Variants in FMO3 observed in about 807,000 individuals in gnomAD.
FMO3 encodes the protein flavin containing dimethylaniline monoxygenase 3, also known as flavin-containing monooxygenase 3.
FMO3 carries 40 observed loss-of-function variants against 39.4 expected under a neutral mutation model. The observed-to-expected ratio is 1.02, with a 90% CI of 0.79 to 1.32. The LOEUF (loss-of-function observed/expected upper bound fraction) is 1.32, where lower values mean the gene tolerates loss of function less well. FMO3 is among the 40% of genes most tolerant of loss of function. The probability of loss-of-function intolerance (pLI) is 0.00; values close to 1 mark genes in which losing one functional copy is unlikely to be tolerated. For synonymous variants in FMO3, 219 were observed against 228.8 expected, an observed-to-expected ratio of 0.96 and a Z score of 0.39; for missense variants, 680 against 651.8, an observed-to-expected ratio of 1.04 and a Z score of -0.47.
chr1:171,109,896 T>C (rs1177482445), intron 5 of FMO3, among the ~76,000 whole-genome samples: 1 of 152,100 alleles, frequency 6.6e-6, no homozygotes, highest in African/African-American at 2.4e-5. Context: ...TGAAGTGATA[T>C]GGCATATAAA....
rs770528997 is a variant in FMO3 at position 171,117,071 on chromosome 1, C to A, written c.1257-29C>A. ...TGTTTCTACACAGAGTTTGGGTATC[C>A]ACAGTGGTGTTTTCTCTCCCATCTC... On this transcript the variant is annotated intron_variant, in intron 8 of 8. Transcript: ENST00000367755. 10 of 1,538,214 alleles carry A rather than the reference C, an allele frequency of 6.5e-6. No homozygotes were observed. The South Asian group carries it at 1.0e-4, about 15-fold the overall frequency.
intron 2 of FMO3, among the ~76,000 whole-genome samples, chr1:171,093,107 A>C (rs2064075): frequency 0.25 from 36,635 of 149,314 alleles, 4,771 homozygotes; most frequent in African/African-American, 0.34. Context: ...CATTTAAAAC[A>C]CAATAACTTT....
intron 2 of FMO3, among the ~76,000 whole-genome samples, chr1:171,095,563 A>C (rs28363527): frequency 6.6e-6 from 1 of 150,734 alleles, no homozygotes; most frequent in African/African-American, 2.4e-5. Flanking sequence ...TCAGTATTAT[A>C]TTATTTACCT....
At chr1:171,096,159 A>AAT (rs1333703719) in intron 2 of FMO3, among the ~76,000 whole-genome samples, 1 of 75,858 alleles carries the variant, frequency 1.3e-5, no homozygotes, top group Admixed American at 2.6e-4. Flanking sequence ...ATGAATATAT[A>AAT]ATATATATAA....
chr1:171,106,287 T>G (rs926473154), intron 3 of FMO3, among the ~76,000 whole-genome samples: 1 of 151,986 alleles, frequency 6.6e-6, no homozygotes, highest in Admixed American at 6.6e-5. Flanking sequence ...ATTACAGGCA[T>G]GCACCACCAT....
chr1:171,107,706 A>G lies in FMO3; in HGVS notation c.353A>G (p.Asp118Gly), dbSNP rs750611884. The change falls in exon 4 of 9, where the codon GAT becomes GGT. Residue 118 changes from aspartate (D) to glycine (G), a missense_variant. Transcript: ENST00000367755. ...GTATCCAGTGTAAATAAACATCCTG[A>G]TTTTGCAACTACTGGCCAGTGGGAT... Reference protein sequence around the residue: ...TFVSSVNKHPDFATTGQWDVT... With the variant: ...TFVSSVNKHPGFATTGQWDVT... The G allele has an allele frequency of 6.2e-7, 1 of 1,613,300 alleles. No individual in the cohort carries two copies. Among genetic ancestry groups the G allele is most frequent in the Non-Finnish European group, 8.5e-7 (1 of 1,179,374 alleles).
intron 2 of FMO3, among the ~76,000 whole-genome samples, chr1:171,096,358 A>T (rs1208629214): frequency 1.8e-4 from 16 of 89,480 alleles, no homozygotes; most frequent in Admixed American, 1.2e-3. Context: ...TAAATATATA[A>T]AAATATATAT....
At chr1:171,109,630 G>A (rs1019459003) in intron 5 of FMO3, among the ~76,000 whole-genome samples, 1 of 140,724 alleles carries the variant, frequency 7.1e-6, no homozygotes, top group Non-Finnish European at 1.5e-5. Flanking sequence ...CGTCTCCCAG[G>A]TTCAAGCAAT....
rs758324579 is a variant in FMO3 at position 171,108,121 on chromosome 1, A to G, written c.527A>G (p.Tyr176Cys). 2.5e-6 allele frequency: 4 copies of G among 1,613,952 alleles called. No homozygotes were observed. In the East Asian group the frequency reaches 6.7e-5, roughly 27 times the overall value. ...FKGKCFHSRD[Y>C]KEPGVFNGKR... ...GGCAAATGCTTCCACAGCAGGGACT[A>G]TAAAGAACCAGGTGTATTCAATGGA... Residue 176 changes from tyrosine (Y) to cysteine (C), a missense_variant, in exon 5 of 9, where the codon TAT (tyrosine) becomes TGT (cysteine). Coordinates refer to ENST00000367755, the MANE Select transcript of FMO3 (RefSeq NM_001002294.3).
At position 171,114,312 on chromosome 1, in the gene FMO3, C is replaced by T. The variant is rs771161406; in HGVS notation, c.1133C>T (p.Ala378Val). 2 of 1,613,876 alleles carry T rather than the reference C, an allele frequency of 1.2e-6. No homozygotes were observed. The highest frequency in any genetic ancestry group is 2.2e-5 in the South Asian group (2 of 91,080). The change falls in exon 7 of 9, where the codon GCC (alanine) becomes GTC (valine). Residue 378 changes from alanine (A) to valine (V), a missense_variant. Coordinates refer to ENST00000367755, the MANE Select transcript of FMO3 (RefSeq NM_001002294.3). The part of the protein sequence containing the change: ...VIGFVQSLGA[A>V]IPTVDLQSRW... ...GGCTTTGTCCAGTCCCTTGGGGCTGCCATTCCCACAGTTGACCTCCAGTCC... is the reference window on the plus strand; with the variant it reads ...GGCTTTGTCCAGTCCCTTGGGGCTGTCATTCCCACAGTTGACCTCCAGTCC...
chr1:171,117,027 C>G (rs1243026360), intron 8 of FMO3, 73 bp from the exon 9 acceptor site: 2 of 1,146,726 alleles, frequency 1.7e-6, no homozygotes, highest in South Asian at 2.5e-5. Context: ...TATAAAGTTG[C>G]GAGCCATTTT....
intron 7 of FMO3, among the ~76,000 whole-genome samples, chr1:171,115,385 C>T (rs1428971014): frequency 6.6e-6 from 1 of 151,770 alleles, no homozygotes; most frequent in East Asian, 1.9e-4. Context: ...AAAAAACAGT[C>T]TCTTTCTTTT....
At chr1:171,108,792 A>G (rs1204876457) in intron 5 of FMO3, among the ~76,000 whole-genome samples, 1 of 152,184 alleles carries the variant, frequency 6.6e-6, no homozygotes, top group Non-Finnish European at 1.5e-5. Context: ...CTGCTCTGGA[A>G]CAAGAGCTGC....
chr1:171,098,539 T>C (rs1217429623), intron 2 of FMO3, among the ~76,000 whole-genome samples: 1 of 152,154 alleles, frequency 6.6e-6, no homozygotes, highest in Non-Finnish European at 1.5e-5. Flanking sequence ...GGTATTTTAT[T>C]CTCTTTGAAG....
intron 2 of FMO3, among the ~76,000 whole-genome samples, chr1:171,103,428 G>T (rs1655494948): frequency 6.6e-6 from 1 of 151,870 alleles, no homozygotes; most frequent in Non-Finnish European, 1.5e-5. Flanking sequence ...ATCTGTTTTT[G>T]CAAGTTCTGC....
In FMO3 at chr1:171,116,247, A is replaced by T; in HGVS notation, c.1223A>T (p.Asp408Val). The change falls in exon 8 of 9, where the codon GAT (aspartate) becomes GTT (valine). Residue 408 changes from aspartate (D) to valine (V), a missense_variant. Asp to Val is a radical substitution (Grantham distance 152). Coordinates refer to ENST00000367755, the MANE Select transcript of FMO3 (RefSeq NM_001002294.3). ...CCTTCTATGGAAGACATGATGAATGATATTAATGAGAAAATGGAGAAAAAG... is the reference window on the plus strand; with the variant it reads ...CCTTCTATGGAAGACATGATGAATGTTATTAATGAGAAAATGGAGAAAAAG... ...TLPSMEDMMN[D>V]INEKMEKKRK... 6.2e-7 allele frequency: 1 copy of T among 1,605,102 alleles called. No individual in the cohort carries two copies. Among genetic ancestry groups the T allele is most frequent in the Non-Finnish European group, 8.5e-7 (1 of 1,172,088 alleles).
intron 6 of FMO3, among the ~76,000 whole-genome samples, chr1:171,112,827 AG>A (rs1655972905): frequency 1.3e-5 from 2 of 152,164 alleles, no homozygotes; most frequent in Admixed American, 1.3e-4. Context: ...AGGAGACTAA[AG>A]GTCTGGGGAC....
chr1:171,096,032 AATATATAT>A (rs1654986519), intron 2 of FMO3, among the ~76,000 whole-genome samples: 1 of 68,998 alleles, frequency 1.4e-5, no homozygotes, highest in Non-Finnish European at 2.3e-5. Context: ...ATTAATATAT[AATATATAT>A]TATATATAAA....
intron 6 of FMO3, among the ~76,000 whole-genome samples, chr1:171,113,114 CA>C (rs1168175544): frequency 6.6e-6 from 1 of 152,138 alleles, no homozygotes; most frequent in African/African-American, 2.4e-5. Context: ...GTTTGTTCTC[CA>C]GTGGAATCTG....
Sources: gnomAD v4.1 joint callset for allele counts (sites outside exome capture counted in the v4.1 genomes callset) on GRCh38, gnomAD v4.1.1 for gene constraint, MANE v1.5 for transcripts, NCBI Gene and HGNC (gene_info 2026-07-23, HGNC 2026-07-21) for gene names.